The following LRRTM4 variants were observed in gnomAD, a reference collection of about 807,000 sequenced individuals.
LRRTM4 encodes the protein leucine rich repeat transmembrane neuronal 4.
In LRRTM4, 25 loss-of-function variants were observed where a neutral mutation model predicts 47.6. The ratio of observed to expected loss-of-function variants is 0.53; its 90% CI spans 0.38 to 0.73. The LOEUF is 0.73. Ranked by LOEUF, LRRTM4 falls within the 30% of genes least tolerant of loss-of-function variation. LRRTM4 has a pLI of 0.00. For synonymous variants in LRRTM4, 311 were observed against 269.5 expected, an observed-to-expected ratio of 1.15 and a Z score of -1.51; for missense variants, 638 against 713.4, an observed-to-expected ratio of 0.89 and a Z score of 1.20.
At chr2:76,978,528 T>C (rs917225811) in intron 3 of LRRTM4, among the ~76,000 whole-genome samples, 1 of 152,042 alleles carries the variant, frequency 6.6e-6, no homozygotes, top group Non-Finnish European at 1.5e-5. Flanking sequence ...TTTTAAGAAA[T>C]GGATGAGATA....
intron 3 of LRRTM4, among the ~76,000 whole-genome samples, chr2:77,471,569 C>G (rs1677190860): frequency 6.6e-6 from 1 of 152,140 alleles, no homozygotes; most frequent in Non-Finnish European, 1.5e-5. Flanking sequence ...CTGATCCTCT[C>G]TCCTCCACTT....
chr2:77,463,748 A>T (rs1302870462), intron 3 of LRRTM4, among the ~76,000 whole-genome samples: 2 of 152,132 alleles, frequency 1.3e-5, no homozygotes, highest in East Asian at 1.9e-4. Flanking sequence ...TACATATTTT[A>T]TCATAGTTGC....
At chr2:76,866,504 T>A (rs556635178) in intron 3 of LRRTM4, among the ~76,000 whole-genome samples, 1 of 152,350 alleles carries the variant, frequency 6.6e-6, no homozygotes, top group Non-Finnish European at 1.5e-5. Context: ...TTCATTTTTT[T>A]TTTCTAAGAC....
At chr2:77,150,887 G>T (rs1439290108) in intron 3 of LRRTM4, among the ~76,000 whole-genome samples, 1 of 151,966 alleles carries the variant, frequency 6.6e-6, no homozygotes, top group Non-Finnish European at 1.5e-5. Context: ...TTATTTGTTG[G>T]TGTATTTCTC....
chr2:77,139,930 C>T (rs1046398934), intron 3 of LRRTM4, among the ~76,000 whole-genome samples: 2 of 152,056 alleles, frequency 1.3e-5, no homozygotes, highest in African/African-American at 4.8e-5. Flanking sequence ...ATGTGAAGGA[C>T]CTCTTCAAGG....
intron 3 of LRRTM4, among the ~76,000 whole-genome samples, chr2:76,823,219 G>C (rs1441773637): frequency 6.6e-6 from 1 of 151,104 alleles, no homozygotes; most frequent in Non-Finnish European, 1.5e-5. Flanking sequence ...CTAATATTTT[G>C]AATAAAAATT....
intron 3 of LRRTM4, among the ~76,000 whole-genome samples, chr2:77,163,363 A>G (rs563448494): frequency 6.6e-6 from 1 of 152,334 alleles, no homozygotes; most frequent in East Asian, 1.9e-4. Flanking sequence ...GGTGTACCTG[A>G]AAGTGATGGG....
intron 3 of LRRTM4, among the ~76,000 whole-genome samples, chr2:77,158,118 G>A (rs1320632843): frequency 6.6e-6 from 1 of 152,178 alleles, no homozygotes; most frequent in African/African-American, 2.4e-5. Flanking sequence ...CTTATGGAGA[G>A]GGAGGGAGGA....
intron 3 of LRRTM4, among the ~76,000 whole-genome samples, chr2:76,767,746 CTCTTCCTTTGTT>C (rs1673513252): frequency 6.6e-6 from 1 of 152,098 alleles, no homozygotes; most frequent in South Asian, 2.1e-4. Flanking sequence ...TTCCCTTTTT[CTCTTCCTTTGTT>C]CTTCTTTTAT....
chr2:76,886,952 T>C (rs1026804976), intron 3 of LRRTM4, among the ~76,000 whole-genome samples: 1 of 152,002 alleles, frequency 6.6e-6, no homozygotes, highest in Non-Finnish European at 1.5e-5. Flanking sequence ...TTTTTGAACA[T>C]AATACATTGA....
intron 3 of LRRTM4, among the ~76,000 whole-genome samples, chr2:77,257,219 T>C (rs1573154096): frequency 6.6e-6 from 1 of 152,062 alleles, no homozygotes; most frequent in East Asian, 1.9e-4. Context: ...TGAATGCTTT[T>C]TCCTAAGTCT....
intron 3 of LRRTM4, among the ~76,000 whole-genome samples, chr2:77,198,909 A>G (rs947388077): frequency 2.0e-5 from 3 of 152,128 alleles, no homozygotes; most frequent in African/African-American, 7.2e-5. Flanking sequence ...ACTTGTGACC[A>G]CTACCTTCCG....
chr2:76,793,048 A>C lies in LRRTM4; in HGVS notation c.1552-44132T>G, dbSNP rs114034753. 5.5e-3 allele frequency among the ~76,000 whole-genome samples: 836 copies of C among 152,306 alleles called. 9 individuals carry two copies. Among genetic ancestry groups the C allele is most frequent in the African/African-American group, 0.019 (800 of 41,560 alleles). On this transcript the variant is annotated intron_variant, in intron 3 of 3. Transcript: ENST00000409884. ...AAATATTACACACTTGCCAGTGAGAAAAATCAAGGCTTTAGCAGTATTAAA... is the reference window on the plus strand; with the variant it reads ...AAATATTACACACTTGCCAGTGAGACAAATCAAGGCTTTAGCAGTATTAAA...
chr2:76,979,562 CTA>C lies in LRRTM4; in HGVS notation c.1552-230648_1552-230647del, dbSNP rs201950529. 2.2e-4 allele frequency among the ~76,000 whole-genome samples: 20 copies of C among 92,376 alleles called. No individual in the cohort carries two copies. In the East Asian group the frequency reaches 2.7e-3, roughly 12 times the overall value. 60.6% of individuals were successfully genotyped at this position (92,376 alleles called of 152,430 possible). A position where few individuals can be genotyped will look rare whatever the true frequency, so the allele number is the denominator to read the frequency against. Reference sequence around the variant, plus strand: ...TTCTGTATATATATATGCTCTTCCTCTATATATATATATAGAGAGAGGAAGCA... The same window carrying C: ...TTCTGTATATATATATGCTCTTCCTCTATATATATATAGAGAGAGGAAGCA... On this transcript the variant is annotated intron_variant, in intron 3 of 3. Coordinates refer to ENST00000409884, the MANE Select transcript of LRRTM4 (RefSeq NM_001134745.3).
rs56028060 is a variant in LRRTM4, at chr2:77,019,253, CAAAAAA to C, written c.1552-270343_1552-270338del. On this transcript the variant is annotated intron_variant, in intron 3 of 3. Transcript: ENST00000409884. ...GGATACTAAGCTTGTCACTGCTCTA[CAAAAAA>C]AAAAAAAAAAAAAAAAATATAAGAA... 5.2e-3 allele frequency among the ~76,000 whole-genome samples: 415 copies of C among 80,526 alleles called. 3 individuals carry two copies. Among genetic ancestry groups the C allele is most frequent in the Non-Finnish European group, 7.4e-3 (298 of 40,286 alleles). The allele number at this position is 80,526 out of a possible 152,430, so 52.8% of individuals were successfully genotyped here. A position where few individuals can be genotyped will look rare whatever the true frequency, so the allele number is the denominator to read the frequency against.
At chr2:76,905,973 T>C (rs1048475676) in intron 3 of LRRTM4, among the ~76,000 whole-genome samples, 3 of 151,902 alleles carry the variant, frequency 2.0e-5, no homozygotes, top group African/African-American at 7.3e-5. Context: ...AGGCCAACAT[T>C]CAGATTCAGG....
intron 3 of LRRTM4, among the ~76,000 whole-genome samples, chr2:76,920,967 AC>A (rs1222447290): frequency 6.6e-6 from 1 of 151,950 alleles, no homozygotes; most frequent in Non-Finnish European, 1.5e-5. Context: ...CGTACCCCTC[AC>A]CCTGTTTCTC....
In LRRTM4 at chr2:76,776,538, T is replaced by A. The variant is rs1355392798; in HGVS notation, c.1552-27622A>T. 5.9e-5 allele frequency among the ~76,000 whole-genome samples: 9 copies of A among 152,352 alleles called. No homozygotes were observed. The South Asian group carries it at 1.7e-3, about 28-fold the overall frequency. Reference sequence around the variant, plus strand: ...GATGAGCATTTTTTCATGTGTTTTTTGGCTGCATAAATGTCTTCTTTTGAG... The same window carrying A: ...GATGAGCATTTTTTCATGTGTTTTTAGGCTGCATAAATGTCTTCTTTTGAG... On this transcript the variant is annotated intron_variant, in intron 3 of 3. Transcript: ENST00000409884.
At position 77,518,656 on chromosome 2, in the gene LRRTM4, A is replaced by T. The variant is rs371191395; in HGVS notation, c.1213T>A (p.Ser405Thr). The change falls in exon 3 of 4, where the codon TCC becomes ACC. Residue 405 changes from serine to threonine, a missense_variant. Coordinates refer to ENST00000409884, the MANE Select transcript of LRRTM4 (RefSeq NM_001134745.3). The stretch of plus-strand genomic sequence containing the variant: ...GCGCCAGGAATCTGAAACCCTGGGG[A>T]AGGGCTTGGTGTTTCAAAGGTGGAT... ...TQSTFETPSP[S>T]PGFQIPGAEQ... The T allele has an allele frequency of 7.5e-5, 121 of 1,613,302 alleles. No homozygotes were observed. In the Middle Eastern group the frequency reaches 1.6e-3, roughly 22 times the overall value.
Sources: allele counts gnomAD v4.1 joint callset (sites outside exome capture counted in the v4.1 genomes callset), GRCh38; gene constraint gnomAD v4.1.1; transcripts MANE v1.5; gene names NCBI Gene and HGNC (gene_info 2026-07-23, HGNC 2026-07-21).